Variants in RAPGEF1 observed in about 807,000 individuals in gnomAD.
RAPGEF1 encodes the protein Rap guanine nucleotide exchange factor 1.
Under a neutral mutation model 143.3 loss-of-function variants are expected in RAPGEF1, and 33 were observed. That is an observed-to-expected ratio of 0.23 (90% CI 0.17 to 0.31). The LOEUF is 0.31. Ranked by LOEUF, RAPGEF1 falls within the 10% of genes least tolerant of loss-of-function variation. The pLI, the probability that RAPGEF1 is intolerant of heterozygous loss-of-function variation, is 1.00. For synonymous variants in RAPGEF1, 629 were observed against 676.5 expected, an observed-to-expected ratio of 0.93 and a Z score of 1.09; for missense variants, 1,199 against 1,645.4, an observed-to-expected ratio of 0.73 and a Z score of 4.69.
At chr9:131,614,790 T>C (rs1300286201) in intron 12 of RAPGEF1, among the ~76,000 whole-genome samples, 2 of 152,096 alleles carry the variant, frequency 1.3e-5, no homozygotes, top group Non-Finnish European at 2.9e-5. Flanking sequence ...TTTAAAAAAA[T>C]TAAAGTCCTC....
intron 1 of RAPGEF1, among the ~76,000 whole-genome samples, chr9:131,721,445 C>A (rs1246108990): frequency 1.3e-5 from 2 of 152,104 alleles, no homozygotes; most frequent in Non-Finnish European, 2.9e-5. Context: ...AATCCAGAGT[C>A]CAACCCTTCA....
intron 1 of RAPGEF1, among the ~76,000 whole-genome samples, chr9:131,722,904 G>A (rs923986420): frequency 5.9e-5 from 9 of 151,992 alleles, no homozygotes; most frequent in African/African-American, 1.7e-4. Flanking sequence ...CAAAAACAAC[G>A]GGGCGGGGGG....
intron 1 of RAPGEF1, among the ~76,000 whole-genome samples, chr9:131,663,559 G>A (rs1479384620): frequency 1.3e-5 from 2 of 151,800 alleles, no homozygotes; most frequent in Non-Finnish European, 2.9e-5. Flanking sequence ...CAGGAGGGAC[G>A]GGACTGGCTT....
chr9:131,580,593 G>T (rs1242384283), intron 25 of RAPGEF1, among the ~76,000 whole-genome samples: 2 of 152,190 alleles, frequency 1.3e-5, no homozygotes, highest in Non-Finnish European at 2.9e-5. Context: ...ACCTGCTGGG[G>T]ACCTCGGAAG....
At chr9:131,734,713 G>A (rs78412776) in intron 1 of RAPGEF1, among the ~76,000 whole-genome samples, 3,514 of 152,312 alleles carry the variant, frequency 0.023, 153 homozygotes, top group African/African-American at 0.08. Context: ...CCACAAAAAT[G>A]AGTAGCCCTA....
In RAPGEF1 at chr9:131,583,360, A is replaced by G. The variant is rs930093216; in HGVS notation, c.3415-658T>C. Among the ~76,000 whole-genome samples the G allele has an allele frequency of 3.9e-5, 6 of 152,012 alleles. No individual in the cohort carries two copies. The highest frequency in any genetic ancestry group is 1.4e-4 in the African/African-American group (6 of 41,382). ...TCTCCCCATACACTAGCTTACAACC[A>G]TCCCTGAACATGGGCTTGAACAAGA... On this transcript the variant is annotated intron_variant, in intron 24 of 26. Transcript: ENST00000683357. This position sits in a 1 kb window ranked among gnomAD's most constrained non-coding sequence, Gnocchi z 4.7.
rs1479140852 is a variant in RAPGEF1 at position 131,668,437 on chromosome 9, T to C, written c.62-17488A>G. ...TCTAATATGTGGGGAGCTCTTGGCA[T>C]ATGCCTGGTCCTCATGCTAACATCA... is the stretch of plus-strand genomic sequence containing the variant. On this transcript the variant is annotated intron_variant, in intron 1 of 26. Coordinates refer to ENST00000683357, the MANE Select transcript of RAPGEF1 (RefSeq NM_001377935.1). 2.0e-5 allele frequency among the ~76,000 whole-genome samples: 3 copies of C among 152,228 alleles called. No homozygotes were observed. In the East Asian group the frequency reaches 5.8e-4, roughly 29 times the overall value.
intron 1 of RAPGEF1, among the ~76,000 whole-genome samples, chr9:131,715,598 G>C (rs1247324929): frequency 6.6e-6 from 1 of 152,078 alleles, no homozygotes; most frequent in African/African-American, 2.4e-5. Context: ...GGTGGCTCAC[G>C]TCTGTACTTA....
chr9:131,722,368 G>A (rs966860437), intron 1 of RAPGEF1, among the ~76,000 whole-genome samples: 2 of 152,202 alleles, frequency 1.3e-5, no homozygotes, highest in African/African-American at 4.8e-5. Context: ...CGATAGCCTG[G>A]AATCCTGCCA....
intron 3 of RAPGEF1, among the ~76,000 whole-genome samples, chr9:131,644,916 T>G (rs1969130971): frequency 6.6e-6 from 1 of 152,240 alleles, no homozygotes; most frequent in African/African-American, 2.4e-5. Flanking sequence ...AATGGCTACT[T>G]TAGTCAGACA....
In RAPGEF1 at chr9:131,650,853, G is replaced by A. The variant is rs1236669500; in HGVS notation, c.158C>T (p.Pro53Leu). The change falls in exon 2 of 27, where the codon CCA becomes CTA. Residue 53 changes from proline (P) to leucine (L), a missense_variant. Physicochemically the swap from Pro to Leu is moderately conservative, Grantham distance 98. Around this residue, in one of 6 missense-constraint regions of RAPGEF1, gnomAD observed 613 missense variants for 710.9 expected, o/e 0.86. Coordinates refer to ENST00000683357, the MANE Select transcript of RAPGEF1 (RefSeq NM_001377935.1). The surrounding 1 kb of genome is among the most constrained non-coding windows in gnomAD (Gnocchi z 4.7). ...TGGAATCTTTACGGACACCTCAGCT[G>A]GTTTTCCCTTCTTTGATGGCGTTCT... is the stretch of plus-strand genomic sequence containing the variant. ...IKRTPSKKGK[P>L]AEVSVKIPEK... 12 of 1,613,984 alleles carry A rather than the reference G, an allele frequency of 7.4e-6. No homozygotes were observed. The highest frequency in any genetic ancestry group is 1.0e-5 in the Non-Finnish European group (12 of 1,179,876).
chr9:131,734,316 G>A (rs1007816670), intron 1 of RAPGEF1, among the ~76,000 whole-genome samples: 22 of 152,134 alleles, frequency 1.4e-4, no homozygotes, highest in Non-Finnish European at 2.9e-4. Flanking sequence ...GGGATACTCC[G>A]CCCTGCCCTC....
intron 1 of RAPGEF1, among the ~76,000 whole-genome samples, chr9:131,687,969 T>C (rs992831135): frequency 2.0e-5 from 3 of 152,156 alleles, no homozygotes; most frequent in Non-Finnish European, 2.9e-5. Context: ...AATTCTTCTG[T>C]AAATCATGTG....
At chr9:131,711,113 C>T (rs1835475095) in intron 1 of RAPGEF1, among the ~76,000 whole-genome samples, 1 of 150,576 alleles carries the variant, frequency 6.6e-6, no homozygotes, top group Non-Finnish European at 1.5e-5. Flanking sequence ...TGCAGTGGTG[C>T]AATCATGGCT....
intron 22 of RAPGEF1, among the ~76,000 whole-genome samples, chr9:131,585,620 C>T (rs560003090): frequency 1.2e-4 from 18 of 152,224 alleles, no homozygotes; most frequent in African/African-American, 3.6e-4. Context: ...CAAAACCCTA[C>T]GCTGGACTGC....
chr9:131,715,714 A>G (rs1835814476), intron 1 of RAPGEF1, among the ~76,000 whole-genome samples: 1 of 151,892 alleles, frequency 6.6e-6, no homozygotes, highest in South Asian at 2.1e-4. Flanking sequence ...AAATACAAAA[A>G]TTACCTGAGC....
chr9:131,609,381 A>T (rs1957648605), intron 12 of RAPGEF1, among the ~76,000 whole-genome samples: 1 of 152,174 alleles, frequency 6.6e-6, no homozygotes, highest in African/African-American at 2.4e-5. Context: ...CTGATATCAC[A>T]ATCAGTTCGT....
chr9:131,729,161 C>A (rs11243490), intron 1 of RAPGEF1, among the ~76,000 whole-genome samples: 57,650 of 152,042 alleles, frequency 0.38, 11,071 homozygotes, highest in South Asian at 0.45. Context: ...AGGTCTCCCA[C>A]CTCTCAGCTC....
chr9:131,591,715 C>T (rs906036497), intron 18 of RAPGEF1, among the ~76,000 whole-genome samples: 18 of 152,184 alleles, frequency 1.2e-4, no homozygotes, highest in Non-Finnish European at 2.5e-4. Context: ...GAGAAGCTGC[C>T]GGAGCCGACC....
Sources: gnomAD v4.1 joint callset for allele counts (sites outside exome capture counted in the v4.1 genomes callset) on GRCh38, gnomAD v4.1.1 for gene constraint, gnomAD v4.1.1 regional missense constraint, Gnocchi (gnomAD v3.1) non-coding constraint, MANE v1.5 for transcripts, NCBI Gene and HGNC (gene_info 2026-07-23, HGNC 2026-07-21) for gene names.